The following ADGRL2 variants were observed in gnomAD, a reference collection of about 807,000 sequenced individuals.
ADGRL2 encodes calcium-independent alpha-latrotoxin receptor 2.
A neutral mutation model predicts 157.4 loss-of-function variants in ADGRL2; 44 were observed. The ratio of observed to expected loss-of-function variants is 0.28; its 90% confidence interval spans 0.22 to 0.36. ADGRL2 has a LOEUF of 0.36. ADGRL2 is among the 10% of genes least tolerant of loss of function. The pLI is 1.00. For missense variants in ADGRL2, 1,510 were observed against 1,768.9 expected (o/e 0.85, Z 2.63); for synonymous variants, 585 against 624.7 (o/e 0.94, Z 0.95).
intron 5 of ADGRL2, chr1:81,942,706 A>T: frequency 4.2e-6 from 2 of 475,258 alleles, no homozygotes; most frequent in Non-Finnish European, 7.8e-6. Context: ...GCAAAAATTT[A>T]AATTGTCAGA....
chr1:81,772,339 T>C (rs983660729), intron 2 of ADGRL2, among the ~76,000 whole-genome samples: 5 of 151,998 alleles, frequency 3.3e-5, no homozygotes, highest in Non-Finnish European at 7.4e-5. Flanking sequence ...TAGAAATTAA[T>C]AATACAGAAA....
At chr1:81,541,910 A>G (rs910388536) in intron 2 of ADGRL2, among the ~76,000 whole-genome samples, 2 of 152,164 alleles carry the variant, frequency 1.3e-5, no homozygotes, top group Non-Finnish European at 2.9e-5. Flanking sequence ...GTGAGCCGAG[A>G]TCACTCCATT....
At chr1:81,378,023 A>G (rs907634390) in intron 1 of ADGRL2, among the ~76,000 whole-genome samples, 5 of 152,126 alleles carry the variant, frequency 3.3e-5, no homozygotes, top group Non-Finnish European at 7.4e-5. Flanking sequence ...TACTAAAAAT[A>G]CAAAAATTAG....
At chr1:81,989,777 A>G in intron 23 of ADGRL2, 1 of 1,564,978 alleles carries the variant, frequency 6.4e-7, no homozygotes, top group Non-Finnish European at 8.6e-7. Flanking sequence ...TCCAGTCAGT[A>G]TGAGAGATGG....
intron 2 of ADGRL2, among the ~76,000 whole-genome samples, chr1:81,865,409 T>C (rs1417919918): frequency 2.6e-5 from 4 of 152,214 alleles, no homozygotes; most frequent in African/African-American, 9.6e-5. Context: ...GTCACTTTTA[T>C]TTGGGGATAT....
At chr1:81,941,929 C>A in intron 4 of ADGRL2, 105 bp from the exon 5 acceptor site, 1 of 595,180 alleles carries the variant, frequency 1.7e-6, no homozygotes, top group Non-Finnish European at 3.1e-6. Flanking sequence ...CTATATTTAG[C>A]ATCTGTTACG....
chr1:81,716,287 A>G (rs1299958231), intron 1 of ADGRL2, among the ~76,000 whole-genome samples: 13 of 152,264 alleles, frequency 8.5e-5, no homozygotes. Context: ...ACTTTGCATG[A>G]CCTTAAGCAG....
At chr1:81,718,339 C>T (rs1037307537) in intron 1 of ADGRL2, among the ~76,000 whole-genome samples, 2 of 152,056 alleles carry the variant, frequency 1.3e-5, no homozygotes, top group African/African-American at 4.8e-5. Flanking sequence ...TCCATATTTT[C>T]TTAAGGAAAC....
intron 3 of ADGRL2, among the ~76,000 whole-genome samples, chr1:81,598,439 T>C (rs1386343925): frequency 2.0e-5 from 3 of 152,228 alleles, no homozygotes; most frequent in South Asian, 2.1e-4. Context: ...TTGAGATTTG[T>C]TCACCCTGTA....
intron 2 of ADGRL2, among the ~76,000 whole-genome samples, chr1:81,571,393 G>GTATGTATATATATGTATA (rs1421713148): frequency 2.0e-5 from 3 of 146,594 alleles, no homozygotes; most frequent in Non-Finnish European, 4.5e-5. Context: ...ATATATATGT[G>GTATGTATATATATGTATA]TATGTATATA....
chr1:81,938,505 A>G (rs769762206), intron 4 of ADGRL2, among the ~76,000 whole-genome samples: 34 of 151,926 alleles, frequency 2.2e-4, no homozygotes, highest in Non-Finnish European at 4.1e-4. Flanking sequence ...TCAGTTCCCC[A>G]GAAGTATTGT....
At chr1:81,360,580 T>C (rs1014073388) in intron 1 of ADGRL2, among the ~76,000 whole-genome samples, 5 of 151,994 alleles carry the variant, frequency 3.3e-5, no homozygotes, top group Admixed American at 6.6e-5. Context: ...TTAGTATCTT[T>C]TTAAAAATGT....
intron 1 of ADGRL2, among the ~76,000 whole-genome samples, chr1:81,814,206 A>G (rs2090159227): frequency 6.6e-6 from 1 of 151,718 alleles, no homozygotes; most frequent in Admixed American, 6.6e-5. Context: ...TAATAATAAA[A>G]AAATACGAAT....
At chr1:81,309,137 G>A (rs12126220) in intron 1 of ADGRL2, among the ~76,000 whole-genome samples, 31,369 of 152,014 alleles carry the variant, frequency 0.21, 4,166 homozygotes, top group Middle Eastern at 0.37. Flanking sequence ...CTGCTTAAGG[G>A]GAAATGATGT....
intron 1 of ADGRL2, among the ~76,000 whole-genome samples, chr1:81,423,680 G>C (rs561254389): frequency 6.6e-6 from 1 of 152,208 alleles, no homozygotes; most frequent in East Asian, 1.9e-4. Flanking sequence ...ACACATATAT[G>C]TACTGTATAA....
rs563581443 is a variant in ADGRL2, at chr1:81,870,244, C to T, written c.73+33187C>T. On this transcript the variant is annotated intron_variant, in intron 2 of 23. Transcript: ENST00000686636. ...AACACCTTTTATTTACTCCTAATTACATAAATTGAAATACCTGATTCTCTA... is the reference window on the plus strand; with the variant it reads ...AACACCTTTTATTTACTCCTAATTATATAAATTGAAATACCTGATTCTCTA... Among the ~76,000 whole-genome samples the T allele has an allele frequency of 1.5e-3, 231 of 151,990 alleles. 7 individuals carry two copies. The South Asian group carries it at 0.033, about 22-fold the overall frequency.
At chr1:81,782,436 G>C (rs1418185090) in intron 2 of ADGRL2, among the ~76,000 whole-genome samples, 1 of 152,068 alleles carries the variant, frequency 6.6e-6, no homozygotes, top group Non-Finnish European at 1.5e-5. Flanking sequence ...CAGTAAAATG[G>C]ATATACTTTA....
intron 3 of ADGRL2, among the ~76,000 whole-genome samples, chr1:81,655,731 C>T (rs2082519437): frequency 6.6e-6 from 1 of 152,022 alleles, no homozygotes; most frequent in Admixed American, 6.6e-5. Context: ...TTTGTGATAC[C>T]ATCCTTGATC....
At chr1:81,359,706 C>G (rs183664861) in intron 1 of ADGRL2, among the ~76,000 whole-genome samples, 1 of 152,104 alleles carries the variant, frequency 6.6e-6, no homozygotes, top group East Asian at 1.9e-4. Flanking sequence ...ATAGACATCT[C>G]AAATTTAACA....
Sources: allele counts gnomAD v4.1 joint callset (sites outside exome capture counted in the v4.1 genomes callset), GRCh38; gene constraint gnomAD v4.1.1; transcripts MANE v1.5; gene names NCBI Gene and HGNC (gene_info 2026-07-23, HGNC 2026-07-21).